RIMS1: variants seen among roughly 807,000 people sequenced by gnomAD.
The protein encoded by RIMS1 is regulating synaptic membrane exocytosis 1.
RIMS1 carries 83 observed loss-of-function variants against 214.1 expected under a neutral mutation model. That is an observed-to-expected ratio of 0.39 (90% CI 0.32 to 0.47). The LOEUF is 0.47. RIMS1 is among the 20% of genes least tolerant of loss of function. RIMS1 has a pLI of 0.99. For synonymous variants in RIMS1, 793 were observed against 786.8 expected (o/e 1.01, Z -0.13); for missense variants, 2,050 against 2,161.8 (o/e 0.95, Z 1.03).
intron 4 of RIMS1, among the ~76,000 whole-genome samples, chr6:72,142,300 C>T (rs758493213): frequency 9.2e-5 from 14 of 152,040 alleles, no homozygotes; most frequent in Admixed American, 6.5e-4. Context: ...TGATTCCCCC[C>T]CTACAGTGCC....
In RIMS1 at chr6:72,039,850, G is replaced by C. The variant is rs566908615; in HGVS notation, c.246-57099G>C. Among the ~76,000 whole-genome samples, 4 of 150,644 alleles carry C rather than the reference G, an allele frequency of 2.7e-5. No homozygotes were observed. In the South Asian group the frequency reaches 8.3e-4, roughly 31 times the overall value. On this transcript the variant is annotated intron_variant, in intron 2 of 33. Coordinates refer to ENST00000521978, the MANE Select transcript of RIMS1 (RefSeq NM_014989.7). Reference sequence around the variant, plus strand: ...GGTACAATGATTCAAAGCATTCACTGTACTTAAAAAAAATGGTATAATTAA... The same window carrying C: ...GGTACAATGATTCAAAGCATTCACTCTACTTAAAAAAAATGGTATAATTAA...
chr6:72,260,764 C>T lies in RIMS1; in HGVS notation c.3113C>T (p.Thr1038Ile). The T allele has an allele frequency of 6.2e-7, 1 of 1,612,068 alleles. No individual in the cohort carries two copies. Among genetic ancestry groups the T allele is most frequent in the East Asian group, 2.2e-5 (1 of 44,830 alleles). Residue 1038 changes from threonine to isoleucine, a missense_variant, in exon 19 of 34, where the codon ACC (threonine) becomes ATC (isoleucine). Thr to Ile is a moderately conservative substitution (Grantham distance 89, BLOSUM62 -1). Around this residue, in one of 6 missense-constraint regions of RIMS1, gnomAD observed 889 missense variants for 885.5 expected, o/e 1.00. Transcript: ENST00000521978. ...CGAAGTGCAGAATGCCTACATACTA[C>T]CAGGTAAATACAGGGATTTGGTAAT... ...RGRSAECLHT[T>I]RHLVRHYKTL... is the part of the protein sequence containing the mutation.
chr6:72,011,776 T>C (rs370526788), intron 2 of RIMS1, among the ~76,000 whole-genome samples: 5 of 151,630 alleles, frequency 3.3e-5, no homozygotes, highest in Admixed American at 6.6e-5. Context: ...AAAACCACAA[T>C]GAGATACCAT....
chr6:71,947,298 C>G (rs1788146558), intron 1 of RIMS1, among the ~76,000 whole-genome samples: 1 of 152,042 alleles, frequency 6.6e-6, no homozygotes, highest in South Asian at 2.1e-4. Context: ...GATATAGAAT[C>G]AACCTCTGTA....
chr6:72,260,911 G>A (rs2154161064), intron 19 of RIMS1, 144 bp downstream of exon 19: 2 of 1,500,024 alleles, frequency 1.3e-6, no homozygotes, highest in East Asian at 5.1e-5. Flanking sequence ...GTTTTATATT[G>A]AGGTTATGGA....
intron 2 of RIMS1, among the ~76,000 whole-genome samples, chr6:72,038,104 AAAAAAAAAAAAAAAATATATAT>A (rs1466109613): frequency 3.9e-4 from 30 of 77,206 alleles, no homozygotes; most frequent in African/African-American, 1.9e-3. Flanking sequence ...AAAAAAAAAA[AAAAAAAAAAAAAAAATATATAT>A]ATATATATAT....
At chr6:72,219,765 C>G (rs1562684495) in intron 6 of RIMS1, among the ~76,000 whole-genome samples, 1 of 151,394 alleles carries the variant, frequency 6.6e-6, no homozygotes, top group East Asian at 1.9e-4. Context: ...GAAACTTGTT[C>G]TTCTGAGTAG....
chr6:72,357,842 A>G (rs1405046209), intron 29 of RIMS1, among the ~76,000 whole-genome samples: 3 of 152,246 alleles, frequency 2.0e-5, no homozygotes, highest in Non-Finnish European at 4.4e-5. Context: ...GGTAATTGAC[A>G]ATGCTAAAAG....
chr6:71,960,432 G>A lies in RIMS1; in HGVS notation c.165-8551G>A, dbSNP rs192269149. 3.0e-4 allele frequency among the ~76,000 whole-genome samples: 45 copies of A among 152,274 alleles called. No individual in the cohort carries two copies. The East Asian group carries it at 7.7e-3, about 26-fold the overall frequency. ...CTATGTTAGTTCCAAGATTATTCCTGTAATACTGTCATTTTCACTTTTTGA... is the reference window on the plus strand; with the variant it reads ...CTATGTTAGTTCCAAGATTATTCCTATAATACTGTCATTTTCACTTTTTGA... On this transcript the variant is annotated intron_variant, in intron 1 of 33. Coordinates refer to ENST00000521978, the MANE Select transcript of RIMS1 (RefSeq NM_014989.7).
chr6:72,306,558 G>T (rs1455090811), intron 26 of RIMS1, among the ~76,000 whole-genome samples: 3 of 152,110 alleles, frequency 2.0e-5, no homozygotes, highest in Admixed American at 2.0e-4. Context: ...CTACTTAGGA[G>T]ATTAATAAAA....
At chr6:72,120,604 C>T (rs1248390804) in intron 4 of RIMS1, among the ~76,000 whole-genome samples, 1 of 151,856 alleles carries the variant, frequency 6.6e-6, no homozygotes, top group East Asian at 1.9e-4. Context: ...TTGTAGGTTG[C>T]CTGTTCACTC....
At chr6:71,970,957 T>C (rs1795702281) in intron 2 of RIMS1, among the ~76,000 whole-genome samples, 2 of 152,190 alleles carry the variant, frequency 1.3e-5, no homozygotes, top group Non-Finnish European at 2.9e-5. Flanking sequence ...TTTTTAAATT[T>C]GTAATTTATG....
chr6:71,940,582 A>G (rs1359906909), intron 1 of RIMS1, among the ~76,000 whole-genome samples: 3 of 152,188 alleles, frequency 2.0e-5, no homozygotes, highest in African/African-American at 7.2e-5. Context: ...ATTCAAGACT[A>G]TTGCAATAAG....
At chr6:72,164,977 C>A (rs1318580834) in intron 4 of RIMS1, among the ~76,000 whole-genome samples, 2 of 152,160 alleles carry the variant, frequency 1.3e-5, no homozygotes, top group Non-Finnish European at 2.9e-5. Context: ...ATAAATGAAT[C>A]TGGGGTGACA....
At chr6:71,924,798 C>T (rs991864058) in intron 1 of RIMS1, among the ~76,000 whole-genome samples, 2 of 133,268 alleles carry the variant, frequency 1.5e-5, no homozygotes, top group African/African-American at 5.7e-5. Flanking sequence ...CAGAGCAAGA[C>T]CCTGTCTCCA....
rs185381484 is a variant in RIMS1, at chr6:72,058,143, T to A, written c.246-38806T>A. 8.1e-4 allele frequency among the ~76,000 whole-genome samples: 124 copies of A among 152,348 alleles called. 4 individuals are homozygous for A. Among genetic ancestry groups the A allele is most frequent in the Admixed American group, 7.9e-3 (121 of 15,310 alleles). On this transcript the variant is annotated intron_variant, in intron 2 of 33. Coordinates refer to ENST00000521978, the MANE Select transcript of RIMS1 (RefSeq NM_014989.7). ...CTCTTAAAGCAAAATAATCAAACCCTGATCTTGTAAAATGTATATAGAGAA... is the reference window on the plus strand; with the variant it reads ...CTCTTAAAGCAAAATAATCAAACCCAGATCTTGTAAAATGTATATAGAGAA...
chr6:72,263,632 T>G, intron 19 of RIMS1: 2 of 985,068 alleles, frequency 2.0e-6, no homozygotes, highest in Non-Finnish European at 2.4e-6. Flanking sequence ...TTGCCTGAGG[T>G]TAGGAGTTGA....
chr6:72,001,710 C>A (rs1297348883), intron 2 of RIMS1, among the ~76,000 whole-genome samples: 1 of 152,116 alleles, frequency 6.6e-6, no homozygotes, highest in East Asian at 1.9e-4. Context: ...TTGTATCAAA[C>A]ACGACATATT....
At chr6:72,316,773 C>T in intron 28 of RIMS1, 1 of 698,440 alleles carries the variant, frequency 1.4e-6, no homozygotes, top group Non-Finnish European at 2.7e-6. Context: ...GTAGGCAGGG[C>T]CAGTTGACGG....
Sources: allele counts gnomAD v4.1 joint callset (sites outside exome capture counted in the v4.1 genomes callset), GRCh38; gene constraint gnomAD v4.1.1; regional missense constraint gnomAD v4.1.1; transcripts MANE v1.5; gene names NCBI Gene and HGNC (gene_info 2026-07-23, HGNC 2026-07-21).